RPGRIP1L: variants seen among roughly 807,000 people sequenced by gnomAD.
RPGRIP1L encodes protein fantom.
RPGRIP1L carries 131 observed loss-of-function variants against 160.4 expected under a neutral mutation model. The ratio of observed to expected loss-of-function variants is 0.82; its 90% CI spans 0.71 to 0.94. The LOEUF (loss-of-function observed/expected upper bound fraction) is 0.94, where lower values mean the gene tolerates loss of function less well. Ranked by LOEUF, RPGRIP1L falls within the 40% of genes least tolerant of loss-of-function variation. RPGRIP1L has a pLI of 0.00. For missense variants in RPGRIP1L, 1,522 were observed against 1,535.8 expected (o/e 0.99, Z 0.15); for synonymous variants, 510 against 515.8 (o/e 0.99, Z 0.15).
chr16:53,694,032 T>C (rs756742090), intron 3 of RPGRIP1L: 3 of 152,218 alleles, frequency 2.0e-5, no homozygotes, highest in East Asian at 3.8e-4. Flanking sequence ...AGAAACATGA[T>C]TGCATCTGTT....
intron 22 of RPGRIP1L, among the ~76,000 whole-genome samples, chr16:53,622,843 AC>A (rs1226846729): frequency 1.3e-5 from 2 of 149,270 alleles, no homozygotes. Flanking sequence ...ACACACACAC[AC>A]AAATAGCCAG....
At chr16:53,695,188 G>A in intron 3 of RPGRIP1L, 1 of 581,718 alleles carries the variant, frequency 1.7e-6, no homozygotes, top group South Asian at 2.3e-5. Flanking sequence ...ATTGTTAGGT[G>A]GTCATAGCAG....
chr16:53,677,978 A>C (rs555081711), intron 6 of RPGRIP1L, among the ~76,000 whole-genome samples: 1 of 152,302 alleles, frequency 6.6e-6, no homozygotes, highest in South Asian at 2.1e-4. Flanking sequence ...CATGGACCAA[A>C]TCACACATGC....
At chr16:53,636,368 G>A in intron 22 of RPGRIP1L, 71 bp downstream of exon 22, 3 of 1,008,676 alleles carry the variant, frequency 3.0e-6, no homozygotes, top group Non-Finnish European at 4.7e-6. Context: ...TATATATGAA[G>A]ACTACATATG....
chr16:53,619,039 T>C lies in RPGRIP1L; in HGVS notation c.3602A>G (p.Tyr1201Cys), dbSNP rs1567800897. 6 of 1,613,044 alleles carry C rather than the reference T, an allele frequency of 3.7e-6. No homozygotes were observed. Among genetic ancestry groups the C allele is most frequent in the Non-Finnish European group, 5.1e-6 (6 of 1,178,992 alleles). ...ATCATACATACCATTGCTATAGTTA[T>C]AGTAGACCCACTGCCCACTCTTGGG... Reference protein sequence around the residue: ...PKPKSGQWVYYNYSNVIYVDK... With the variant: ...PKPKSGQWVYCNYSNVIYVDK... The change falls in exon 24 of 27, where the codon TAT (tyrosine) becomes TGT (cysteine). Residue 1201 changes from tyrosine to cysteine, a missense_variant. Tyr to Cys is a radical substitution (Grantham distance 194). Coordinates refer to ENST00000647211, the MANE Select transcript of RPGRIP1L (RefSeq NM_015272.5).
intron 25 of RPGRIP1L, chr16:53,608,008 G>A: frequency 2.0e-6 from 2 of 982,522 alleles, no homozygotes; most frequent in Non-Finnish European, 2.4e-6. Context: ...GATGGACACA[G>A]GGGGCAGATG....
At chr16:53,669,045 C>T (rs79369880) in intron 9 of RPGRIP1L, among the ~76,000 whole-genome samples, 42 of 152,240 alleles carry the variant, frequency 2.8e-4, no homozygotes, top group African/African-American at 9.6e-4. Flanking sequence ...CAAACAAATG[C>T]TGTCCTTTTA....
chr16:53,676,705 C>A (rs1353969193), intron 6 of RPGRIP1L, among the ~76,000 whole-genome samples: 1 of 152,056 alleles, frequency 6.6e-6, no homozygotes, highest in Non-Finnish European at 1.5e-5. Context: ...GCGATCTCGG[C>A]TACTGCAACC....
intron 22 of RPGRIP1L, among the ~76,000 whole-genome samples, chr16:53,633,625 T>C (rs1348376414): frequency 6.6e-6 from 1 of 152,240 alleles, no homozygotes; most frequent in East Asian, 1.9e-4. Context: ...AACAATATTA[T>C]ATAATTGTTC....
At chr16:53,644,155 C>G (rs575230543) in intron 17 of RPGRIP1L, among the ~76,000 whole-genome samples, 14 of 152,102 alleles carry the variant, frequency 9.2e-5, no homozygotes, top group African/African-American at 3.4e-4. Context: ...ATAGCGAGAC[C>G]CCTAATTCTG....
chr16:53,633,075 A>G (rs1164368083), intron 22 of RPGRIP1L, among the ~76,000 whole-genome samples: 1 of 152,208 alleles, frequency 6.6e-6, no homozygotes, highest in East Asian at 1.9e-4. Flanking sequence ...TTAACATAGG[A>G]TGTACTTAGC....
In RPGRIP1L at chr16:53,598,796, T is replaced by C. The variant is rs1963273164; in HGVS notation, c.*3280A>G. ...AGTGACTTATTAAAATGTACTCTGA[T>C]AGTTGGGGATGAATTATCATCCTGA... On this transcript the variant is annotated 3_prime_UTR_variant, in exon 27 of 27. Transcript: ENST00000647211. 1 of 152,246 alleles carries C rather than the reference T, an allele frequency of 6.6e-6. No homozygotes were observed. Among genetic ancestry groups the C allele is most frequent in the Admixed American group, 6.5e-5 (1 of 15,282 alleles). 9.4% of individuals were successfully genotyped at this position (152,246 alleles called of 1,614,324 possible). A position where few individuals can be genotyped will look rare whatever the true frequency, so the allele number is the denominator to read the frequency against.
At position 53,696,442 on chromosome 16, in the gene RPGRIP1L, T is replaced by C. The variant is rs997713400; in HGVS notation, c.86-147A>G. The C allele has an allele frequency of 1.1e-5, 8 of 759,846 alleles. No homozygotes were observed. The African/African-American group carries it at 1.2e-4, about 12-fold the overall frequency. 47.1% of individuals were successfully genotyped at this position (759,846 alleles called of 1,614,324 possible). Reference sequence around the variant, plus strand: ...GATTGCTTTAGAAAATGTTGTACCATTGTTTACATCAATTATTTAAGGTGA... The same window carrying C: ...GATTGCTTTAGAAAATGTTGTACCACTGTTTACATCAATTATTTAAGGTGA... On this transcript the variant is annotated intron_variant, in intron 2 of 26. Transcript: ENST00000647211.
chr16:53,686,185 T>C (rs1181487970), intron 6 of RPGRIP1L, among the ~76,000 whole-genome samples: 1 of 152,090 alleles, frequency 6.6e-6, no homozygotes, highest in Non-Finnish European at 1.5e-5. Context: ...TAAATGAACA[T>C]AGAAAACAAG....
chr16:53,622,022 C>CAAAA (rs36057385), intron 23 of RPGRIP1L, among the ~76,000 whole-genome samples, 197 bp downstream of exon 23: 279 of 24,120 alleles, frequency 0.012, 49 homozygotes, highest in African/African-American at 0.036. Flanking sequence ...GACTCCGTCT[C>CAAAA]AAAAAAAAAA....
chr16:53,652,444 T>C, intron 15 of RPGRIP1L, 91 bp downstream of exon 15: 3 of 1,011,706 alleles, frequency 3.0e-6, no homozygotes, highest in Non-Finnish European at 4.6e-6. Context: ...GCACCTTTAA[T>C]ATACAAGAAA....
intron 16 of RPGRIP1L, among the ~76,000 whole-genome samples, chr16:53,648,395 C>T (rs138961346): frequency 3.2e-4 from 49 of 152,218 alleles, no homozygotes; most frequent in African/African-American, 1.0e-3. Context: ...AGTCCAATAA[C>T]GGCTGTTTAT....
At chr16:53,679,349 A>G (rs1969438151) in intron 6 of RPGRIP1L, among the ~76,000 whole-genome samples, 1 of 152,198 alleles carries the variant, frequency 6.6e-6, no homozygotes, top group Middle Eastern at 3.2e-3. Flanking sequence ...TTTACGGTCA[A>G]GTTTAATGGA....
intron 17 of RPGRIP1L, among the ~76,000 whole-genome samples, chr16:53,643,099 C>T (rs1966337499): frequency 6.6e-6 from 1 of 152,114 alleles, no homozygotes; most frequent in Non-Finnish European, 1.5e-5. Flanking sequence ...GAGTTTGAGA[C>T]CAGCCTGGCC....
Sources: allele counts gnomAD v4.1 joint callset (sites outside exome capture counted in the v4.1 genomes callset), GRCh38; gene constraint gnomAD v4.1.1; transcripts MANE v1.5; gene names NCBI Gene and HGNC (gene_info 2026-07-23, HGNC 2026-07-21).